Variants in GLIS3 observed in about 807,000 individuals in gnomAD.
GLIS3 encodes the protein zinc finger protein GLIS3.
Under a neutral mutation model 78.6 loss-of-function variants are expected in GLIS3, and 53 were observed. That is an observed-to-expected ratio of 0.67 (90% CI 0.54 to 0.85). The LOEUF (loss-of-function observed/expected upper bound fraction) is 0.85. Among genes scored for constraint, GLIS3 ranks in the 40% least tolerant of loss-of-function variants. The pLI is 0.00. For missense variants in GLIS3, 1,703 were observed against 1,231.1 expected, an observed-to-expected ratio of 1.38 and a Z score of -5.74; for synonymous variants, 684 against 509.9, an observed-to-expected ratio of 1.34 and a Z score of -4.60.
the GLIS3 span, among the ~76,000 whole-genome samples, chr9:4,409,790 A>C: frequency 2.0e-5 from 3 of 152,244 alleles, no homozygotes; most frequent in African/African-American, 4.8e-5. Context: ...TTGTCAAAGA[A>C]AAAATGTATT....
At chr9:3,943,921 T>C (rs528739055) in intron 4 of GLIS3, among the ~76,000 whole-genome samples, 51 of 152,360 alleles carry the variant, frequency 3.3e-4, no homozygotes, top group African/African-American at 1.2e-3. Context: ...TTCAAGTTAC[T>C]GTGTTTTTCC....
rs58794068 is a variant in GLIS3 at position 4,319,983 on chromosome 9, TTGTGTGTGTGTGTGTGTGTGTGTG to T, written n.265-9479_265-9456del. Among the ~76,000 whole-genome samples, 9 of 145,080 alleles carry T rather than the reference TTGTGTGTGTGTGTGTGTGTGTGTG, an allele frequency of 6.2e-5. 1 individual carries two copies. The highest frequency in any genetic ancestry group is 2.8e-4 in the Admixed American group (4 of 14,454). On this transcript the variant is annotated intron_variant and non_coding_transcript_variant, in intron 2 of 4. Transcript: ENST00000471664. The stretch of plus-strand genomic sequence containing the variant: ...CCTTACAGTAGGTTAGTAGAGGGGG[TTGTGTGTGTGTGTGTGTGTGTGTG>T]TGTGTGTGTGTGTGTGTGCGCGCGC...
rs192941257 is a variant in GLIS3 at position 4,239,101 on chromosome 9, G to C, written c.388+46937C>G. 2.1e-5 allele frequency among the ~76,000 whole-genome samples: 3 copies of C among 142,790 alleles called. No homozygotes were observed. The East Asian group carries it at 6.2e-4, about 29-fold the overall frequency. 93.7% of individuals were successfully genotyped at this position (142,790 alleles called of 152,430 possible). A position where few individuals can be genotyped will look rare whatever the true frequency, so the allele number is the denominator to read the frequency against. On this transcript the variant is annotated intron_variant, in intron 2 of 10. Transcript: ENST00000381971. ...CCAGTCTATCATTGTTGGACATTTG[G>C]GTTGGTTCCAAGTCTTTGCTATTGT...
At chr9:4,286,598 G>C in intron 1 of GLIS3, 75 bp from the exon 2 acceptor site, 1 of 748,386 alleles carries the variant, frequency 1.3e-6, no homozygotes, top group Non-Finnish European at 2.2e-6. Context: ...TTCAACCTGT[G>C]TATCATTCAT....
At chr9:4,097,003 C>G (rs1830004490) in intron 4 of GLIS3, among the ~76,000 whole-genome samples, 1 of 152,124 alleles carries the variant, frequency 6.6e-6, no homozygotes, top group Admixed American at 6.6e-5. Context: ...CAGAGCACGA[C>G]TCTGTCTCAA....
intron 2 of GLIS3, among the ~76,000 whole-genome samples, chr9:4,164,300 C>T (rs1835717593): frequency 1.3e-5 from 2 of 152,178 alleles, no homozygotes; most frequent in Admixed American, 1.3e-4. Flanking sequence ...TCAGCATTGT[C>T]CTCCCATGCT....
At chr9:4,103,646 G>A (rs1231372976) in intron 4 of GLIS3, among the ~76,000 whole-genome samples, 2 of 152,150 alleles carry the variant, frequency 1.3e-5, no homozygotes, top group South Asian at 2.1e-4. Flanking sequence ...CCGTTTCTCA[G>A]AGTGTCTGCT....
At chr9:4,418,317 G>C in the GLIS3 span, among the ~76,000 whole-genome samples, 1 of 152,202 alleles carries the variant, frequency 6.6e-6, no homozygotes, top group African/African-American at 2.4e-5. Context: ...CCTCAGGAGG[G>C]AAAGATAGAC....
chr9:3,864,907 G>A (rs903118292), intron 8 of GLIS3, among the ~76,000 whole-genome samples: 1 of 152,290 alleles, frequency 6.6e-6, no homozygotes, highest in Admixed American at 6.5e-5. Flanking sequence ...ACAAATGTAG[G>A]TCATTGCTGC....
chr9:4,279,071 G>A (rs1827281894), intron 2 of GLIS3, among the ~76,000 whole-genome samples: 1 of 152,056 alleles, frequency 6.6e-6, no homozygotes, highest in Non-Finnish European at 1.5e-5. Flanking sequence ...GGAGGCTGAG[G>A]CAGGTGGATC....
intron 4 of GLIS3, among the ~76,000 whole-genome samples, chr9:4,044,490 GTCCTAT>G (rs1185322973): frequency 6.6e-6 from 1 of 151,988 alleles, no homozygotes; most frequent in African/African-American, 2.4e-5. Flanking sequence ...TCCACGCCTG[GTCCTAT>G]TCCTATTTTT....
At chr9:4,200,481 A>G (rs115172918) in intron 2 of GLIS3, among the ~76,000 whole-genome samples, 2,002 of 152,306 alleles carry the variant, frequency 0.013, 32 homozygotes, top group African/African-American at 0.046. Flanking sequence ...CAACATTACA[A>G]CCAATCCCAA....
intron 4 of GLIS3, among the ~76,000 whole-genome samples, chr9:4,065,091 G>T (rs1031557589): frequency 4.6e-5 from 7 of 152,222 alleles, no homozygotes; most frequent in Non-Finnish European, 8.8e-5. Context: ...CCAGTCAAGA[G>T]TATAGAGCTG....
chr9:4,105,397 AT>A (rs1423958965), intron 4 of GLIS3, among the ~76,000 whole-genome samples: 1 of 152,184 alleles, frequency 6.6e-6, no homozygotes, highest in Non-Finnish European at 1.5e-5. Context: ...TGGCAGCATC[AT>A]TCCTTTGGAA....
intron 2 of GLIS3, among the ~76,000 whole-genome samples, chr9:4,128,968 C>T (rs1228735201): frequency 6.6e-6 from 1 of 152,188 alleles, no homozygotes; most frequent in African/African-American, 2.4e-5. Flanking sequence ...AATGGTGTCA[C>T]AAATGGTATC....
intron 2 of GLIS3, among the ~76,000 whole-genome samples, chr9:4,165,758 G>C (rs917372158): frequency 2.0e-5 from 3 of 152,230 alleles, no homozygotes; most frequent in African/African-American, 7.2e-5. Flanking sequence ...GGAGAGCCTA[G>C]AAATGGGGCT....
In GLIS3 at chr9:4,249,604, C is replaced by A. The variant is rs182856368; in HGVS notation, c.388+36434G>T. On this transcript the variant is annotated intron_variant, in intron 2 of 10. Transcript: ENST00000381971. The stretch of plus-strand genomic sequence containing the variant: ...CTTCCTCTCTTCCTATTTGAACACT[C>A]TTTCTTTCTTTCTCTTGCCTGACTT... Among the ~76,000 whole-genome samples, 186 of 152,228 alleles carry A rather than the reference C, an allele frequency of 1.2e-3. 1 individual carries two copies. Among genetic ancestry groups the A allele is most frequent in the African/African-American group, 4.4e-3 (183 of 41,554 alleles).
intron 9 of GLIS3, among the ~76,000 whole-genome samples, chr9:3,831,561 C>T (rs1818046177): frequency 6.6e-6 from 1 of 152,170 alleles, no homozygotes; most frequent in African/African-American, 2.4e-5. Flanking sequence ...GTTTGACAAC[C>T]TGTATCTAGA....
At chr9:4,370,236 G>C in the GLIS3 span, among the ~76,000 whole-genome samples, 1 of 145,666 alleles carries the variant, frequency 6.9e-6, no homozygotes, top group South Asian at 2.2e-4. Flanking sequence ...ATAACCAAAA[G>C]TTCAAATTGT....
Sources: gnomAD v4.1 joint callset for allele counts (sites outside exome capture counted in the v4.1 genomes callset) on GRCh38, gnomAD v4.1.1 for gene constraint, MANE v1.5 for transcripts, NCBI Gene and HGNC (gene_info 2026-07-23, HGNC 2026-07-21) for gene names.